ELMO1: variants seen among roughly 807,000 people sequenced by gnomAD.
The protein encoded by ELMO1 is engulfment and cell motility 1, also known as engulfment and cell motility protein 1.
A neutral mutation model predicts 98.9 loss-of-function variants in ELMO1; 26 were observed. The observed-to-expected ratio is 0.26, with a 90% confidence interval of 0.19 to 0.36. The LOEUF (loss-of-function observed/expected upper bound fraction) is 0.36, where lower values mean the gene tolerates loss of function less well. ELMO1 is among the 10% of genes least tolerant of loss of function. The pLI is 1.00. For synonymous variants in ELMO1, 346 were observed against 346.0 expected (o/e 1.00, Z 0.00); for missense variants, 627 against 935.2 (o/e 0.67, Z 4.30).
rs112338233 is a variant in ELMO1, at chr7:37,304,485, G to A, written c.192+10365C>T. Among the ~76,000 whole-genome samples the A allele has an allele frequency of 2.7e-4, 41 of 152,316 alleles. 1 individual carries two copies. The highest frequency in any genetic ancestry group is 6.8e-3 in the Middle Eastern group (2 of 294). On this transcript the variant is annotated intron_variant, in intron 4 of 21. Transcript: ENST00000310758. Reference sequence around the variant, plus strand: ...AATCCCAGCACTTTGGGAGGCTGAGGCAGGTGGATAACCTGAGGTCAGGAG... The same window carrying A: ...AATCCCAGCACTTTGGGAGGCTGAGACAGGTGGATAACCTGAGGTCAGGAG...
chr7:37,231,226 A>T (rs1794155596), intron 8 of ELMO1, among the ~76,000 whole-genome samples: 1 of 152,080 alleles, frequency 6.6e-6, no homozygotes, highest in Non-Finnish European at 1.5e-5. Context: ...TAGTGCGGAC[A>T]TGACACCTGT....
rs192322789 is a variant in ELMO1, at chr7:37,077,003, A to G, written c.1300+19616T>C. Among the ~76,000 whole-genome samples, 106 of 152,320 alleles carry G rather than the reference A, an allele frequency of 7.0e-4. 1 individual carries two copies. In the South Asian group the frequency reaches 0.01, roughly 15 times the overall value. On this transcript the variant is annotated intron_variant, in intron 15 of 21. Coordinates refer to ENST00000310758, the MANE Select transcript of ELMO1 (RefSeq NM_014800.11). Reference sequence around the variant, plus strand: ...CTGTCCCAATTATGCCCCCGACAACAAAGAATTTAACTTTCTAACAAAACT... The same window carrying G: ...CTGTCCCAATTATGCCCCCGACAACGAAGAATTTAACTTTCTAACAAAACT...
intron 6 of ELMO1, among the ~76,000 whole-genome samples, chr7:37,250,034 G>A (rs1252577487): frequency 6.6e-6 from 1 of 152,060 alleles, no homozygotes; most frequent in East Asian, 1.9e-4. Context: ...AGCTATGATT[G>A]TGCCACTGCA....
chr7:37,318,221 AG>A (rs1174493047), intron 2 of ELMO1, among the ~76,000 whole-genome samples: 1 of 152,252 alleles, frequency 6.6e-6, no homozygotes, highest in Non-Finnish European at 1.5e-5. Context: ...AAGGAACTTC[AG>A]AAACAAAACT....
At position 36,855,712 on chromosome 7, in the gene ELMO1, T is replaced by G; in HGVS notation, c.2023A>C (p.Lys675Gln). ...WTDGLNALLG[K>Q]DMMSDLTRND... ...CGCGTCAGGTCGCTCATCATGTCCT[T>G]CCCGAGTAGCGCATTCAGTCCATCC... The change falls in exon 22 of 22, where the codon AAG (lysine) becomes CAG (glutamine). Residue 675 changes from lysine to glutamine, a missense_variant. By Grantham distance (53) the Lys-to-Gln change is moderately conservative. Coordinates refer to ENST00000310758, the MANE Select transcript of ELMO1 (RefSeq NM_014800.11). The surrounding 1 kb of genome is among the most constrained non-coding windows in gnomAD (Gnocchi z 4.2). The G allele has an allele frequency of 1.2e-6, 2 of 1,614,048 alleles. No individual in the cohort carries two copies. The highest frequency in any genetic ancestry group is 1.7e-6 in the Non-Finnish European group (2 of 1,179,974).
intron 16 of ELMO1, among the ~76,000 whole-genome samples, chr7:36,898,452 T>C (rs1806214520): frequency 1.3e-5 from 2 of 152,206 alleles, no homozygotes; most frequent in South Asian, 4.1e-4. Context: ...TTAGCCCATA[T>C]TTTCTGTAAT....
chr7:37,447,947 C>T (rs1805711544), intron 1 of ELMO1, among the ~76,000 whole-genome samples: 1 of 151,906 alleles, frequency 6.6e-6, no homozygotes, highest in African/African-American at 2.4e-5. Context: ...GGTGCGTCCC[C>T]TCTCCGAAGC....
intron 16 of ELMO1, among the ~76,000 whole-genome samples, chr7:37,007,681 T>G (rs914749749): frequency 6.6e-6 from 1 of 152,172 alleles, no homozygotes; most frequent in African/African-American, 2.4e-5. Context: ...AGCAAACACA[T>G]TTCCCTTTTT....
In ELMO1 at chr7:36,870,495, AT is replaced by A. The variant is rs144342928; in HGVS notation, c.1823-21del. On this transcript the variant is annotated intron_variant, in intron 19 of 21. Coordinates refer to ENST00000310758, the MANE Select transcript of ELMO1 (RefSeq NM_014800.11). The surrounding 1 kb of genome is among the most constrained non-coding windows in gnomAD (Gnocchi z 4.4). Reference sequence around the variant, plus strand: ...CCGGCACTGCAATTCATAAAAGAAAATGCAAGTAACTACACCATGTGAAAAC... The same window carrying A: ...CCGGCACTGCAATTCATAAAAGAAAAGCAAGTAACTACACCATGTGAAAAC... 0.015 allele frequency: 24,579 copies of A among 1,612,560 alleles called. 229 individuals are homozygous for A. Among genetic ancestry groups the A allele is most frequent in the Middle Eastern group, 0.018 (110 of 6,048 alleles).
rs139371093 is a variant in ELMO1 at position 37,190,494 on chromosome 7, A to C, written c.1086+20892T>G. Among the ~76,000 whole-genome samples the C allele has an allele frequency of 2.5e-3, 381 of 152,230 alleles. 3 individuals are homozygous for C. The highest frequency in any genetic ancestry group is 8.9e-3 in the African/African-American group (368 of 41,550). On this transcript the variant is annotated intron_variant, in intron 13 of 21. Coordinates refer to ENST00000310758, the MANE Select transcript of ELMO1 (RefSeq NM_014800.11). ...TTCTAGGTTTTCACATGGAAATGTT[A>C]TCTTTTTTATTTATTTATTTAGAGA...
At chr7:37,327,982 T>G (rs1172265128) in intron 2 of ELMO1, among the ~76,000 whole-genome samples, 8 of 152,234 alleles carry the variant, frequency 5.3e-5, no homozygotes, top group Non-Finnish European at 1.0e-4. Flanking sequence ...TATGATACAG[T>G]GTAGCAACAG....
At chr7:36,953,160 G>A (rs191390202) in intron 16 of ELMO1, among the ~76,000 whole-genome samples, 2 of 151,870 alleles carry the variant, frequency 1.3e-5, no homozygotes, top group Admixed American at 1.3e-4. Flanking sequence ...TAGAGATGGG[G>A]TTTCACCATG....
At chr7:36,857,923 C>T (rs543295140) in intron 21 of ELMO1, among the ~76,000 whole-genome samples, 177 of 152,266 alleles carry the variant, frequency 1.2e-3, no homozygotes, top group African/African-American at 3.8e-3. Context: ...TTATCAAAGA[C>T]GTAAGGGGTC....
intron 14 of ELMO1, among the ~76,000 whole-genome samples, chr7:37,125,468 T>C (rs1786438844): frequency 6.6e-6 from 1 of 152,142 alleles, no homozygotes; most frequent in Non-Finnish European, 1.5e-5. Context: ...CATAAACAAG[T>C]GGGCTAAGGA....
chr7:37,211,548 G>T lies in ELMO1; in HGVS notation c.955-31C>A, dbSNP rs1399010325. The stretch of plus-strand genomic sequence containing the variant: ...GGAATCAGGGAGTAAAAAGAAAAGG[G>T]AGGGGAAAAAGCTGCTTTCATTGTG... On this transcript the variant is annotated intron_variant, in intron 12 of 21. Transcript: ENST00000310758. 5 of 1,608,856 alleles carry T rather than the reference G, an allele frequency of 3.1e-6. No homozygotes were observed. The African/African-American group carries it at 4.0e-5, about 13-fold the overall frequency.
chr7:37,262,867 G>C (rs564754912), intron 5 of ELMO1, among the ~76,000 whole-genome samples: 1 of 152,154 alleles, frequency 6.6e-6, no homozygotes, highest in Non-Finnish European at 1.5e-5. Context: ...TTCCCCATCA[G>C]TAGGTACACC....
chr7:37,419,307 C>A (rs1013359650), intron 1 of ELMO1, among the ~76,000 whole-genome samples: 23 of 152,112 alleles, frequency 1.5e-4, no homozygotes, highest in Non-Finnish European at 2.8e-4. Context: ...ACTTGGTGAA[C>A]AGCAGAATTA....
chr7:37,321,119 C>G (rs1400652911), intron 2 of ELMO1, among the ~76,000 whole-genome samples: 3 of 152,190 alleles, frequency 2.0e-5, no homozygotes, highest in Non-Finnish European at 4.4e-5. Flanking sequence ...CTTCTACTCT[C>G]ATAAGCAGAC....
chr7:36,959,216 C>T (rs975625629), intron 16 of ELMO1, among the ~76,000 whole-genome samples: 3 of 152,092 alleles, frequency 2.0e-5, no homozygotes, highest in African/African-American at 2.4e-5. Flanking sequence ...CCTTAGTCTA[C>T]GCCACATCTG....
Sources: allele counts gnomAD v4.1 joint callset (sites outside exome capture counted in the v4.1 genomes callset), GRCh38; gene constraint gnomAD v4.1.1; non-coding constraint Gnocchi (gnomAD v3.1); transcripts MANE v1.5; gene names NCBI Gene and HGNC (gene_info 2026-07-23, HGNC 2026-07-21).